The following BRF1 variants were observed in gnomAD, a reference collection of about 807,000 sequenced individuals.
The protein encoded by BRF1 is BRF1 general transcription factor IIIB subunit.
A neutral mutation model predicts 81.7 loss-of-function variants in BRF1; 59 were observed. The ratio of observed to expected loss-of-function variants is 0.72; its 90% CI spans 0.59 to 0.90. BRF1 has a LOEUF of 0.90. Among genes scored for constraint, BRF1 ranks in the 40% least tolerant of loss-of-function variants. The pLI is 0.00. For missense variants in BRF1, 1,050 were observed against 936.3 expected (o/e 1.12, Z -1.58); for synonymous variants, 491 against 395.6 (o/e 1.24, Z -2.86).
At chr14:105,251,920 C>G (rs145632743) in intron 5 of BRF1, among the ~76,000 whole-genome samples, 3 of 151,978 alleles carry the variant, frequency 2.0e-5, no homozygotes, top group African/African-American at 7.3e-5. Context: ...TAACACACAT[C>G]AAGAAAGGCA....
chr14:105,304,466 C>T (rs187126279), upstream of BRF1, among the ~76,000 whole-genome samples: 28 of 151,628 alleles, frequency 1.8e-4, no homozygotes, highest in East Asian at 1.2e-3. Context: ...TCAGCCTGGA[C>T]GACAAGAGTG....
chr14:105,209,514 A>C lies in BRF1; in HGVS notation c.*1037T>G. ...CTCTGCCTCAAGGCCACCCCCTCCT[A>C]AGGACACAGGGTGAAGCCCCCTCGG... On this transcript the variant is annotated 3_prime_UTR_variant, in exon 18 of 18. Transcript: ENST00000547530. 1.4e-6 allele frequency: 1 copy of C among 702,160 alleles called. No individual in the cohort carries two copies. Among genetic ancestry groups the C allele is most frequent in the Non-Finnish European group, 2.6e-6 (1 of 384,640 alleles). The allele number at this position is 702,160 out of a possible 1,614,324, so 43.5% of individuals were successfully genotyped here. A position where few individuals can be genotyped will look rare whatever the true frequency, so the allele number is the denominator to read the frequency against.
chr14:105,256,173 A>T, intron 4 of BRF1: 1 of 1,516,604 alleles, frequency 6.6e-7, no homozygotes, highest in Admixed American at 2.0e-5. Context: ...ATAATCTCCT[A>T]TACCAAACTA....
intron 7 of BRF1, 113 bp downstream of exon 7, chr14:105,228,707 C>G (rs1158496672): frequency 8.1e-7 from 1 of 1,241,104 alleles, no homozygotes; most frequent in Non-Finnish European, 1.2e-6. Flanking sequence ...TGGCCAGCAG[C>G]CAGGCGGGGG....
At chr14:105,255,684 T>C (rs2055833189) in intron 4 of BRF1, among the ~76,000 whole-genome samples, 1 of 152,252 alleles carries the variant, frequency 6.6e-6, no homozygotes, top group African/African-American at 2.4e-5. Context: ...GTATCCTGTC[T>C]GCACAGGGGT....
chr14:105,216,035 A>G (rs1240781619), intron 15 of BRF1, among the ~76,000 whole-genome samples: 1 of 150,004 alleles, frequency 6.7e-6, no homozygotes, highest in Non-Finnish European at 1.5e-5. Context: ...AGACACAGGC[A>G]CACACACTGC....
At chr14:105,263,152 G>A (rs945452891) in intron 3 of BRF1, among the ~76,000 whole-genome samples, 9 of 149,198 alleles carry the variant, frequency 6.0e-5, no homozygotes, top group Non-Finnish European at 1.2e-4. Context: ...CAGGAGAATC[G>A]CTTGAACCCG....
intron 3 of BRF1, among the ~76,000 whole-genome samples, chr14:105,268,577 T>C (rs587683961): frequency 6.6e-6 from 1 of 152,340 alleles, no homozygotes; most frequent in South Asian, 2.1e-4. Context: ...GAAGGAGGAA[T>C]AAGCTTGGAT....
At position 105,271,457 on chromosome 14, in the gene BRF1, G is replaced by T. The variant is rs2056652530; in HGVS notation, c.439+1264C>A. ...AGGCTGGGAGGCAGACATGTGGCCG[G>T]GCACGCCACGCCCACCAGACACAGG... is the stretch of plus-strand genomic sequence containing the variant. On this transcript the variant is annotated intron_variant, in intron 3 of 17. Coordinates refer to ENST00000547530, the MANE Select transcript of BRF1 (RefSeq NM_001519.4). The surrounding 1 kb of genome is among the most constrained non-coding windows in gnomAD (Gnocchi z 5.5). Among the ~76,000 whole-genome samples the T allele has an allele frequency of 6.6e-6, 1 of 152,236 alleles. No homozygotes were observed. The highest frequency in any genetic ancestry group is 6.5e-5 in the Admixed American group (1 of 15,290).
At chr14:105,250,761 T>G (rs1188364956) in intron 5 of BRF1, 9 of 1,351,866 alleles carry the variant, frequency 6.7e-6, no homozygotes, top group Non-Finnish European at 9.1e-6. Flanking sequence ...AAGGCTGCTC[T>G]TAACTTTGTC....
chr14:105,229,684 C>G (rs1295927570), intron 6 of BRF1, among the ~76,000 whole-genome samples: 1 of 146,894 alleles, frequency 6.8e-6, no homozygotes, highest in Non-Finnish European at 1.5e-5. Context: ...TCAGGAGCAA[C>G]AACCTAGCAT....
chr14:105,295,408 C>T (rs751139934), intron 1 of BRF1, among the ~76,000 whole-genome samples: 12 of 151,442 alleles, frequency 7.9e-5, no homozygotes, highest in South Asian at 2.1e-4. Context: ...GAGTTCCAGA[C>T]GAGCCTGGTC....
chr14:105,241,484 C>T (rs923073514), intron 5 of BRF1, 70 bp from the exon 6 acceptor site: 58 of 1,586,130 alleles, frequency 3.7e-5, no homozygotes, highest in Non-Finnish European at 4.9e-5. Flanking sequence ...GCCCACGCAG[C>T]CCAGGGGTGG....
chr14:105,226,916 C>G, intron 7 of BRF1, 156 bp from the exon 8 acceptor site: 2 of 1,014,426 alleles, frequency 2.0e-6, no homozygotes, highest in Non-Finnish European at 2.8e-6. Flanking sequence ...TGAGACCAGC[C>G]TAGGCAACAC....
In BRF1 at chr14:105,300,478, G is replaced by A. The variant is rs779547907; in HGVS notation, c.152C>T (p.Ser51Phe). Residue 51 changes from serine (S) to phenylalanine (F), a missense_variant, in exon 1 of 18, where the codon TCC becomes TTC. Ser to Phe is a radical substitution (Grantham distance 155, BLOSUM62 -2). Around this residue, in one of 2 missense-constraint regions of BRF1, gnomAD observed 1,043 missense variants for 915.4 expected, o/e 1.14. Coordinates refer to ENST00000547530, the MANE Select transcript of BRF1 (RefSeq NM_001519.4). ...GGACACGAACTGGCCCACGGCCGAG[G>A]AGCCGCCGCCGCTGCTCTCCACGAA... ...VQFVESSGGG[S>F]SAVGQFVSLD... 1.3e-6 allele frequency: 2 copies of A among 1,534,578 alleles called. No individual in the cohort carries two copies. Among genetic ancestry groups the A allele is most frequent in the Non-Finnish European group, 1.7e-6 (2 of 1,144,288 alleles).
intron 1 of BRF1, among the ~76,000 whole-genome samples, chr14:105,310,778 GA>G (rs2058333938): frequency 6.6e-6 from 1 of 152,128 alleles, no homozygotes; most frequent in Admixed American, 6.5e-5. Context: ...AGGAGATAAA[GA>G]TAAGCAAAAA....
chr14:105,294,567 G>A (rs866630281), intron 1 of BRF1, among the ~76,000 whole-genome samples: 13 of 152,332 alleles, frequency 8.5e-5, no homozygotes, highest in Admixed American at 5.2e-4. Flanking sequence ...TGCAAACTCT[G>A]TGCCCAGCAG....
At chr14:105,300,417 T>C in intron 1 of BRF1, 29 bp downstream of exon 1, 1 of 1,499,998 alleles carries the variant, frequency 6.7e-7, no homozygotes, top group African/African-American at 1.4e-5. Context: ...CACCGAGAAA[T>C]CCGCGCAGCG....
rs1043931355 is a variant in BRF1 at position 105,217,919 on chromosome 14, G to A, written c.1516-119C>T. On this transcript the variant is annotated intron_variant, in intron 14 of 17. Transcript: ENST00000547530. ...GAGGCCTGGCTCAGGCCCTCAGAAGGGCCGCTCCTGCCTCCTCCCCCCAGA... is the reference window on the plus strand; with the variant it reads ...GAGGCCTGGCTCAGGCCCTCAGAAGAGCCGCTCCTGCCTCCTCCCCCCAGA... The A allele has an allele frequency of 4.1e-6, 6 of 1,453,286 alleles. No homozygotes were observed. The African/African-American group carries it at 4.2e-5, about 10-fold the overall frequency. 90.0% of individuals were successfully genotyped at this position (1,453,286 alleles called of 1,614,324 possible). A position where few individuals can be genotyped will look rare whatever the true frequency, so the allele number is the denominator to read the frequency against.
Sources: allele counts gnomAD v4.1 joint callset (sites outside exome capture counted in the v4.1 genomes callset), GRCh38; gene constraint gnomAD v4.1.1; regional missense constraint gnomAD v4.1.1; non-coding constraint Gnocchi (gnomAD v3.1); transcripts MANE v1.5; gene names NCBI Gene and HGNC (gene_info 2026-07-23, HGNC 2026-07-21).